Variants in EPB41L4B observed in about 807,000 individuals in gnomAD.
EPB41L4B encodes the protein band 4.1-like protein 4B.
Under a neutral mutation model 112.5 loss-of-function variants are expected in EPB41L4B, and 30 were observed. The observed-to-expected ratio is 0.27, with a 90% CI of 0.20 to 0.36. The LOEUF is 0.36. Ranked by LOEUF, EPB41L4B falls within the 10% of genes least tolerant of loss-of-function variation. The probability of loss-of-function intolerance (pLI) is 1.00; values close to 1 mark genes in which losing one functional copy is unlikely to be tolerated. For missense variants in EPB41L4B, 1,024 were observed against 1,133.3 expected, an observed-to-expected ratio of 0.90 and a Z score of 1.38; for synonymous variants, 408 against 439.7, an observed-to-expected ratio of 0.93 and a Z score of 0.90.
intron 4 of EPB41L4B, among the ~76,000 whole-genome samples, chr9:109,267,026 G>C (rs1274991442): frequency 6.6e-6 from 1 of 150,662 alleles, no homozygotes; most frequent in East Asian, 1.9e-4. Flanking sequence ...TAACATGAAG[G>C]GATTTTAACA....
At chr9:109,269,477 C>T (rs1246544051) in intron 2 of EPB41L4B, among the ~76,000 whole-genome samples, 1 of 152,204 alleles carries the variant, frequency 6.6e-6, no homozygotes, top group Non-Finnish European at 1.5e-5. Context: ...TAGGAGCATT[C>T]TACTGAGCCC....
chr9:109,218,209 TC>T (rs1208790285), intron 15 of EPB41L4B, among the ~76,000 whole-genome samples: 2 of 130,118 alleles, frequency 1.5e-5, no homozygotes, highest in Non-Finnish European at 3.1e-5. Context: ...CACTGCAACC[TC>T]CACCTCCCAG....
chr9:109,295,817 T>C (rs1273557458), intron 1 of EPB41L4B, among the ~76,000 whole-genome samples: 1 of 152,034 alleles, frequency 6.6e-6, no homozygotes, highest in Non-Finnish European at 1.5e-5. Flanking sequence ...AAAAAGTGGT[T>C]TAGGTAATTC....
chr9:109,285,608 G>A (rs1408453877), intron 1 of EPB41L4B, among the ~76,000 whole-genome samples: 1 of 152,220 alleles, frequency 6.6e-6, no homozygotes, highest in South Asian at 2.1e-4. Flanking sequence ...GGAATGGAGG[G>A]ATCCTCCAAA....
chr9:109,223,679 G>A (rs1317431756), intron 15 of EPB41L4B, among the ~76,000 whole-genome samples: 1 of 152,136 alleles, frequency 6.6e-6, no homozygotes, highest in African/African-American at 2.4e-5. Context: ...GAGCCCCTCA[G>A]ATATCATCCA....
At chr9:109,203,567 G>T in intron 19 of EPB41L4B, 96 bp downstream of exon 19, 1 of 1,022,728 alleles carries the variant, frequency 9.8e-7, no homozygotes, top group Non-Finnish European at 1.5e-6. Context: ...TTTGTCCTCT[G>T]ATTTTATCAG....
In EPB41L4B at chr9:109,244,987, C is replaced by T. The variant is rs1277813387; in HGVS notation, c.1345-1305G>A. Among the ~76,000 whole-genome samples, 6 of 152,194 alleles carry T rather than the reference C, an allele frequency of 3.9e-5. No individual in the cohort carries two copies. The South Asian group carries it at 8.3e-4, about 21-fold the overall frequency. ...CCTGTTCTGTATTCAAGCAGCCTTTCCTTTCTCCTTCAAAGACGCCTGTCA... is the reference window on the plus strand; with the variant it reads ...CCTGTTCTGTATTCAAGCAGCCTTTTCTTTCTCCTTCAAAGACGCCTGTCA... On this transcript the variant is annotated intron_variant, in intron 14 of 25. Coordinates refer to ENST00000374566, the MANE Select transcript of EPB41L4B (RefSeq NM_019114.5).
chr9:109,287,678 G>C (rs1000897023), intron 1 of EPB41L4B, among the ~76,000 whole-genome samples: 1 of 152,018 alleles, frequency 6.6e-6, no homozygotes, highest in African/African-American at 2.4e-5. Context: ...CTGTTACCCC[G>C]GGTGGATTAC....
chr9:109,176,801 T>C lies in EPB41L4B; in HGVS notation c.2488-105A>G, dbSNP rs73523147. 4,100 of 1,278,744 alleles carry C rather than the reference T, an allele frequency of 3.2e-3. 117 individuals carry two copies. The African/African-American group carries it at 0.055, about 17-fold the overall frequency. The allele number at this position is 1,278,744 out of a possible 1,614,324, so 79.2% of individuals were successfully genotyped here. A position where few individuals can be genotyped will look rare whatever the true frequency, so the allele number is the denominator to read the frequency against. On this transcript the variant is annotated intron_variant, in intron 24 of 25. Coordinates refer to ENST00000374566, the MANE Select transcript of EPB41L4B (RefSeq NM_019114.5). ...CTCTACAGTTCCTGTTCCTTTTCAC[T>C]ACCAGCTAAAATCGATTGTCATTTT...
At chr9:109,218,500 G>C (rs573255170) in intron 15 of EPB41L4B, among the ~76,000 whole-genome samples, 1 of 152,160 alleles carries the variant, frequency 6.6e-6, no homozygotes, top group East Asian at 1.9e-4. Context: ...AACCTTCCCT[G>C]TACCAACAAA....
At position 109,174,444 on chromosome 9, in the gene EPB41L4B, G is replaced by A; in HGVS notation, c.*110C>T. The stretch of plus-strand genomic sequence containing the variant: ...GGCTTCAACTAACCATGGAGACCTG[G>A]GCGAACAGAGCACACACTTGTATGC... On this transcript the variant is annotated 3_prime_UTR_variant, in exon 26 of 26. Transcript: ENST00000374566. The A allele has an allele frequency of 9.3e-7, 1 of 1,070,778 alleles. No individual in the cohort carries two copies. Among genetic ancestry groups the A allele is most frequent in the South Asian group, 1.3e-5 (1 of 76,220 alleles). The allele number at this position is 1,070,778 out of a possible 1,614,324, so 66.3% of individuals were successfully genotyped here. A position where few individuals can be genotyped will look rare whatever the true frequency, so the allele number is the denominator to read the frequency against.
intron 24 of EPB41L4B, among the ~76,000 whole-genome samples, chr9:109,177,373 C>T (rs1405283170): frequency 6.6e-6 from 1 of 152,192 alleles, no homozygotes; most frequent in Non-Finnish European, 1.5e-5. Context: ...TCAACAAGAC[C>T]TCCAGGTGAT....
intron 11 of EPB41L4B, 59 bp downstream of exon 11, chr9:109,255,452 G>T (rs1834940957): frequency 6.3e-7 from 1 of 1,589,918 alleles, no homozygotes; most frequent in Non-Finnish European, 8.6e-7. Context: ...ATACAAGAAA[G>T]AAATCACAGT....
chr9:109,190,288 T>C (rs1832415777), intron 22 of EPB41L4B, among the ~76,000 whole-genome samples: 1 of 152,092 alleles, frequency 6.6e-6, no homozygotes, highest in South Asian at 2.1e-4. Context: ...ATGGAAAAAG[T>C]ATTCACCAAG....
chr9:109,302,067 T>C (rs1284247907), intron 1 of EPB41L4B, among the ~76,000 whole-genome samples: 1 of 152,198 alleles, frequency 6.6e-6, no homozygotes, highest in East Asian at 1.9e-4. Flanking sequence ...GAGTCAACTT[T>C]CAACATCCCC....
At chr9:109,279,997 A>T in intron 1 of EPB41L4B, 76 bp from the exon 2 acceptor site, 2 of 1,131,718 alleles carry the variant, frequency 1.8e-6, no homozygotes, top group South Asian at 2.9e-5. Context: ...AAAAAAACCT[A>T]CTTCTCTTTG....
At chr9:109,192,992 CCTT>C (rs1009685133) in intron 21 of EPB41L4B, among the ~76,000 whole-genome samples, 10 of 152,182 alleles carry the variant, frequency 6.6e-5, no homozygotes, top group African/African-American at 2.4e-4. Context: ...ACCCCAACCC[CCTT>C]CTGTTTCGTA....
Position 109,234,461 on chromosome 9 carries a change from C to T in EPB41L4B, c.1409+9157G>A, listed in dbSNP as rs140307708. On this transcript the variant is annotated intron_variant, in intron 15 of 25. Coordinates refer to ENST00000374566, the MANE Select transcript of EPB41L4B (RefSeq NM_019114.5). ...AGCTCTAGATTGACAAGGAAAAATG[C>T]TAACAATGTTTGCTTCCAAGGAAAA... Among the ~76,000 whole-genome samples, 15 of 152,252 alleles carry T rather than the reference C, an allele frequency of 9.9e-5. 1 individual carries two copies. The East Asian group carries it at 2.7e-3, about 27-fold the overall frequency.
intron 13 of EPB41L4B, among the ~76,000 whole-genome samples, chr9:109,248,443 G>C (rs2118993993): frequency 6.6e-6 from 1 of 152,334 alleles, no homozygotes; most frequent in East Asian, 1.9e-4. Flanking sequence ...TTGCCTAACA[G>C]AGAGTTGGGA....
Sources: gnomAD v4.1 joint callset for allele counts (sites outside exome capture counted in the v4.1 genomes callset) on GRCh38, gnomAD v4.1.1 for gene constraint, MANE v1.5 for transcripts, NCBI Gene and HGNC (gene_info 2026-07-23, HGNC 2026-07-21) for gene names.